The following ST3GAL4 variants were observed in gnomAD, a reference collection of about 807,000 sequenced individuals.
ST3GAL4 encodes ST3 beta-galactoside alpha-2,3-sialyltransferase 4.
In ST3GAL4, 24 loss-of-function variants were observed where a neutral mutation model predicts 42.6. The ratio of observed to expected loss-of-function variants is 0.56; its 90% CI spans 0.41 to 0.79. ST3GAL4 has a LOEUF of 0.79. Ranked by LOEUF, ST3GAL4 falls within the 30% of genes least tolerant of loss-of-function variation. The pLI, the probability that ST3GAL4 is intolerant of heterozygous loss-of-function variation, is 0.00. For synonymous variants in ST3GAL4, 135 were observed against 163.2 expected, an observed-to-expected ratio of 0.83 and a Z score of 1.32; for missense variants, 311 against 430.8, an observed-to-expected ratio of 0.72 and a Z score of 2.46.
chr11:126,380,036 C>T (rs1419387914), intron 1 of ST3GAL4, among the ~76,000 whole-genome samples: 3 of 151,942 alleles, frequency 2.0e-5, no homozygotes, highest in East Asian at 1.9e-4. Context: ...CTGAGGCGGG[C>T]GGATCACCTG....
Position 126,392,175 on chromosome 11 carries a change from C to A in ST3GAL4, c.-60-13921C>A. On this transcript the variant is annotated intron_variant, in intron 1 of 10. Coordinates refer to ENST00000444328, the MANE Select transcript of ST3GAL4 (RefSeq NM_001254757.2). This position sits in a 1 kb window ranked among gnomAD's most constrained non-coding sequence, Gnocchi z 5.8. ...CCTCCTGGAGGCCACATGTACCTTG[C>A]GCTTCCTGGGGCTTGGTCCTGGGGT... 3.2e-6 allele frequency: 1 copy of A among 310,344 alleles called. No individual in the cohort carries two copies. The highest frequency in any genetic ancestry group is 4.7e-6 in the Non-Finnish European group (1 of 212,888). The allele number at this position is 310,344 out of a possible 1,614,324, so 19.2% of individuals were successfully genotyped here.
chr11:126,374,452 T>A (rs1591433703), intron 1 of ST3GAL4, among the ~76,000 whole-genome samples: 3 of 65,990 alleles, frequency 4.5e-5, no homozygotes, highest in African/African-American at 6.8e-5. Flanking sequence ...AGACTTTGTC[T>A]CCAAAAAAAA....
chr11:126,400,431 C>T lies in ST3GAL4; in HGVS notation c.-60-5665C>T, dbSNP rs769399818. The stretch of plus-strand genomic sequence containing the variant: ...GGATCAAGTTGCAGCACTTGGACTT[C>T]GGGCAACACATTCAAACCATAGCAG... On this transcript the variant is annotated intron_variant, in intron 1 of 10. Coordinates refer to ENST00000444328, the MANE Select transcript of ST3GAL4 (RefSeq NM_001254757.2). The surrounding 1 kb of genome is among the most constrained non-coding windows in gnomAD (Gnocchi z 4.6). 6.6e-6 allele frequency among the ~76,000 whole-genome samples: 1 copy of T among 152,138 alleles called. No homozygotes were observed. The highest frequency in any genetic ancestry group is 1.5e-5 in the Non-Finnish European group (1 of 68,042).
At chr11:126,385,248 G>A (rs1488607502) in intron 1 of ST3GAL4, among the ~76,000 whole-genome samples, 3 of 151,422 alleles carry the variant, frequency 2.0e-5, no homozygotes, top group Non-Finnish European at 2.9e-5. Context: ...TCTGCCTCCC[G>A]GGTTCACACC....
Position 126,406,804 on chromosome 11 carries a change from T to C in ST3GAL4, c.102-139T>C. The C allele has an allele frequency of 2.0e-6, 2 of 982,434 alleles. No individual in the cohort carries two copies. Among genetic ancestry groups the C allele is most frequent in the Non-Finnish European group, 3.1e-6 (2 of 645,174 alleles). 60.9% of individuals were successfully genotyped at this position (982,434 alleles called of 1,614,324 possible). On this transcript the variant is annotated intron_variant, in intron 3 of 10. Coordinates refer to ENST00000444328, the MANE Select transcript of ST3GAL4 (RefSeq NM_001254757.2). This position sits in a 1 kb window ranked among gnomAD's most constrained non-coding sequence, Gnocchi z 5.4. ...GACCTGGATCCTCAAGGACTTGGGT[T>C]CCAAGTGGAACTTAACTTGAGATGA... is the stretch of plus-strand genomic sequence containing the variant.
At chr11:126,372,696 G>A (rs1448258173) in intron 1 of ST3GAL4, among the ~76,000 whole-genome samples, 1 of 152,190 alleles carries the variant, frequency 6.6e-6, no homozygotes, top group Non-Finnish European at 1.5e-5. Context: ...GATTAAAGGT[G>A]TGAGCCATTC....
At position 126,383,948 on chromosome 11, in the gene ST3GAL4, C is replaced by T. The variant is rs533166733; in HGVS notation, c.-60-22148C>T. Among the ~76,000 whole-genome samples, 114 of 152,176 alleles carry T rather than the reference C, an allele frequency of 7.5e-4. No individual in the cohort carries two copies. Among genetic ancestry groups the T allele is most frequent in the Admixed American group, 5.9e-4 (9 of 15,280 alleles). ...CTTCTCTGTTCCTGGGGACAGGCTGCTGCAGGGTGGAGGGCTTGCTTTTCC... is the reference window on the plus strand; with the variant it reads ...CTTCTCTGTTCCTGGGGACAGGCTGTTGCAGGGTGGAGGGCTTGCTTTTCC... On this transcript the variant is annotated intron_variant, in intron 1 of 10. Transcript: ENST00000444328. This position sits in a 1 kb window ranked among gnomAD's most constrained non-coding sequence, Gnocchi z 4.5.
chr11:126,394,044 G>A (rs1953624805), intron 1 of ST3GAL4, among the ~76,000 whole-genome samples: 1 of 152,230 alleles, frequency 6.6e-6, no homozygotes, highest in Admixed American at 6.5e-5. Flanking sequence ...CCTGGGACTG[G>A]GGTGACCAAG....
rs1490471049 is a variant in ST3GAL4 at position 126,391,458 on chromosome 11, T to C, written c.-60-14638T>C. 6.6e-6 allele frequency among the ~76,000 whole-genome samples: 1 copy of C among 152,090 alleles called. No individual in the cohort carries two copies. Among genetic ancestry groups the C allele is most frequent in the Non-Finnish European group, 1.5e-5 (1 of 68,004 alleles). ...TTCGGAGAGCGATGAATCAGGGGCT[T>C]GGGTGCTGACTTTAGGAGGTGCGGC... On this transcript the variant is annotated intron_variant, in intron 1 of 10. Transcript: ENST00000444328. The surrounding 1 kb of genome is among the most constrained non-coding windows in gnomAD (Gnocchi z 5.5).
chr11:126,382,654 G>T (rs558847628), intron 1 of ST3GAL4, among the ~76,000 whole-genome samples: 3 of 152,146 alleles, frequency 2.0e-5, no homozygotes, highest in Non-Finnish European at 4.4e-5. Flanking sequence ...CCCTGGCATC[G>T]CCTTCAGTTG....
Position 126,392,283 on chromosome 11 carries a change from C to T in ST3GAL4, c.-60-13813C>T, listed in dbSNP as rs1272918056. ...GGGTATTAGGGTGTCCTCAAGCCTG[C>T]AGCTCTCCTGGGACTGCACAGAGTT... On this transcript the variant is annotated intron_variant, in intron 1 of 10. Transcript: ENST00000444328. The surrounding 1 kb of genome is among the most constrained non-coding windows in gnomAD (Gnocchi z 5.8). 2.0e-6 allele frequency: 2 copies of T among 982,710 alleles called. No homozygotes were observed. Among genetic ancestry groups the T allele is most frequent in the Non-Finnish European group, 2.4e-6 (2 of 827,166 alleles). 60.9% of individuals were successfully genotyped at this position (982,710 alleles called of 1,614,324 possible).
chr11:126,373,130 G>T lies in ST3GAL4; in HGVS notation c.-61+17288G>T, dbSNP rs1213976686. ...GCACCCCTGTGCCTGGCTGAGTAGT[G>T]GAGGAACTTTGAAAGGGTCTGTTCT... On this transcript the variant is annotated intron_variant, in intron 1 of 10. Transcript: ENST00000444328. This position sits in a 1 kb window ranked among gnomAD's most constrained non-coding sequence, Gnocchi z 5.5. Among the ~76,000 whole-genome samples, 1 of 152,230 alleles carries T rather than the reference G, an allele frequency of 6.6e-6. No homozygotes were observed. The highest frequency in any genetic ancestry group is 2.4e-5 in the African/African-American group (1 of 41,452).
chr11:126,393,673 G>T lies in ST3GAL4; in HGVS notation c.-60-12423G>T, dbSNP rs567951032. ...TGCTTCCAGTAGGCACTTGAGGGTG[G>T]ACACCACCGTCTTCAGGTCATAGGA... On this transcript the variant is annotated intron_variant, in intron 1 of 10. Transcript: ENST00000444328. This position sits in a 1 kb window ranked among gnomAD's most constrained non-coding sequence, Gnocchi z 5.9. Among the ~76,000 whole-genome samples the T allele has an allele frequency of 6.6e-6, 1 of 152,178 alleles. No homozygotes were observed. The highest frequency in any genetic ancestry group is 1.5e-5 in the Non-Finnish European group (1 of 68,026).
rs1177488848 is a variant in ST3GAL4 at position 126,366,868 on chromosome 11, C to G, written c.-61+11026C>G. Among the ~76,000 whole-genome samples, 2 of 152,120 alleles carry G rather than the reference C, an allele frequency of 1.3e-5. No homozygotes were observed. Among genetic ancestry groups the G allele is most frequent in the African/African-American group, 4.8e-5 (2 of 41,414 alleles). Reference sequence around the variant, plus strand: ...GCTCCAAAACTCTTAAAAGCAGAGCCGAGAGCCTGAATTCAGAGGCTGTAC... The same window carrying G: ...GCTCCAAAACTCTTAAAAGCAGAGCGGAGAGCCTGAATTCAGAGGCTGTAC... On this transcript the variant is annotated intron_variant, in intron 1 of 10. Transcript: ENST00000444328. This position sits in a 1 kb window ranked among gnomAD's most constrained non-coding sequence, Gnocchi z 4.2.
chr11:126,372,398 TTTTTCTTTTC>T (rs536024499), intron 1 of ST3GAL4, among the ~76,000 whole-genome samples: 5 of 151,832 alleles, frequency 3.3e-5, no homozygotes, highest in South Asian at 4.1e-4. Context: ...AGAATTTCTT[TTTTTCTTTTC>T]TTTTCTTTTC....
Position 126,391,747 on chromosome 11 carries a change from C to G in ST3GAL4, c.-60-14349C>G, listed in dbSNP as rs974579203. On this transcript the variant is annotated intron_variant, in intron 1 of 10. Transcript: ENST00000444328. The surrounding 1 kb of genome is among the most constrained non-coding windows in gnomAD (Gnocchi z 5.5). ...TGGTGGGGCCAGTGGCAGTGGATCT[C>G]TCTCTTTGTTGGGCTGGGCCAGCGC... Among the ~76,000 whole-genome samples, 1 of 152,102 alleles carries G rather than the reference C, an allele frequency of 6.6e-6. No homozygotes were observed. Among genetic ancestry groups the G allele is most frequent in the African/African-American group, 2.4e-5 (1 of 41,428 alleles).
In ST3GAL4 at chr11:126,396,237, G is replaced by A. The variant is rs1377976358; in HGVS notation, c.-60-9859G>A. ...AAGCCGAGAGGAATCGCTGTGGGTT[G>A]GCAGACACTGTGGAGACTGACTCCT... is the stretch of plus-strand genomic sequence containing the variant. On this transcript the variant is annotated intron_variant, in intron 1 of 10. Coordinates refer to ENST00000444328, the MANE Select transcript of ST3GAL4 (RefSeq NM_001254757.2). This position sits in a 1 kb window ranked among gnomAD's most constrained non-coding sequence, Gnocchi z 5.8. Among the ~76,000 whole-genome samples, 2 of 151,980 alleles carry A rather than the reference G, an allele frequency of 1.3e-5. No homozygotes were observed. Among genetic ancestry groups the A allele is most frequent in the African/African-American group, 4.8e-5 (2 of 41,294 alleles).
chr11:126,375,457 TG>T (rs1275833467), intron 1 of ST3GAL4, among the ~76,000 whole-genome samples: 1 of 152,038 alleles, frequency 6.6e-6, no homozygotes. Context: ...CTGCACGGGA[TG>T]GTTTTAGAAG....
At chr11:126,374,663 G>A (rs768967322) in intron 1 of ST3GAL4, among the ~76,000 whole-genome samples, 57 of 152,104 alleles carry the variant, frequency 3.7e-4, no homozygotes, top group Non-Finnish European at 6.2e-4. Flanking sequence ...GGAGGGAGGA[G>A]GTGCTGGCCA....
Sources: allele counts gnomAD v4.1 joint callset (sites outside exome capture counted in the v4.1 genomes callset), GRCh38; gene constraint gnomAD v4.1.1; non-coding constraint Gnocchi (gnomAD v3.1); transcripts MANE v1.5; gene names NCBI Gene and HGNC (gene_info 2026-07-23, HGNC 2026-07-21).